Variants in CA6 observed in about 807,000 individuals in gnomAD.
The protein encoded by CA6 is carbonate dehydratase VI.
CA6 carries 28 observed loss-of-function variants against 35.9 expected under a neutral mutation model. The observed-to-expected ratio is 0.78, with a 90% CI of 0.58 to 1.07. The LOEUF (loss-of-function observed/expected upper bound fraction) is 1.07. Ranked by LOEUF, CA6 falls within the 50% of genes least tolerant of loss-of-function variation. The pLI, the probability that CA6 is intolerant of heterozygous loss-of-function variation, is 0.00. For synonymous variants in CA6, 148 were observed against 152.6 expected, an observed-to-expected ratio of 0.97 and a Z score of 0.22; for missense variants, 377 against 382.0, an observed-to-expected ratio of 0.99 and a Z score of 0.11.
chr1:8,961,640 A>G (rs1639845539), intron 4 of CA6, among the ~76,000 whole-genome samples: 1 of 152,224 alleles, frequency 6.6e-6, no homozygotes, highest in Non-Finnish European at 1.5e-5. Context: ...AAGGCACGAG[A>G]CATCTAGAAA....
chr1:8,974,255 T>G, intron 7 of CA6: 1 of 792,898 alleles, frequency 1.3e-6, no homozygotes, highest in African/African-American at 1.8e-5. Flanking sequence ...AAGGAGTGAA[T>G]TGAGAAACCA....
At chr1:8,973,773 T>TTTTTCTTTC (rs1553164177) in intron 7 of CA6, among the ~76,000 whole-genome samples, 404 of 38,242 alleles carry the variant, frequency 0.011, 14 homozygotes, top group African/African-American at 0.055. Context: ...TCTTTCTTTC[T>TTTTTCTTTC]TTCTTTCTTT....
chr1:8,960,789 C>CACACATATATAT (rs59987426), intron 4 of CA6, among the ~76,000 whole-genome samples: 39 of 116,960 alleles, frequency 3.3e-4, no homozygotes, highest in African/African-American at 9.3e-4. Flanking sequence ...CACACACACA[C>CACACATATATAT]ATATATATAA....
intron 6 of CA6, among the ~76,000 whole-genome samples, chr1:8,970,237 C>T (rs978165669): frequency 2.7e-5 from 4 of 149,920 alleles, no homozygotes; most frequent in Non-Finnish European, 4.4e-5. Flanking sequence ...AGAGAAAAAC[C>T]TGACATTTTC....
intron 4 of CA6, 92 bp from the exon 5 acceptor site, chr1:8,962,495 C>A: frequency 1.9e-6 from 2 of 1,078,528 alleles, no homozygotes; most frequent in Non-Finnish European, 2.9e-6. Context: ...TAGGCTCGGC[C>A]CAATCCGCTA....
At chr1:8,953,148 T>C (rs1639585469) in intron 2 of CA6, among the ~76,000 whole-genome samples, 1 of 152,198 alleles carries the variant, frequency 6.6e-6, no homozygotes, top group Admixed American at 6.6e-5. Context: ...CCTTTTCACA[T>C]TGGCTTCTTT....
Position 8,974,651 on chromosome 1 carries a change from T to C in CA6, c.874T>C (p.Tyr292His). The C allele has an allele frequency of 6.2e-7, 1 of 1,607,470 alleles. No individual in the cohort carries two copies. The highest frequency in any genetic ancestry group is 1.3e-5 in the African/African-American group (1 of 74,804). Residue 292 changes from tyrosine to histidine, a missense_variant, in exon 8 of 8, where the codon TAC becomes CAC. Transcript: ENST00000377443. ...EYTLGSEFQF[Y>H]LHKIEEILDY... ...CACTCTAGGCTCTGAATTCCAGTTT[T>C]ACCTACATAAGATTGAGGAAATTCT... is the stretch of plus-strand genomic sequence containing the variant.
chr1:8,950,407 G>C (rs928296033), intron 2 of CA6, among the ~76,000 whole-genome samples: 1 of 152,088 alleles, frequency 6.6e-6, no homozygotes, highest in Non-Finnish European at 1.5e-5. Flanking sequence ...GAAGTCTGAG[G>C]CCTCAGGAGG....
chr1:8,957,009 G>A (rs1639702942), intron 2 of CA6, 128 bp from the exon 3 acceptor site: 2 of 763,046 alleles, frequency 2.6e-6, no homozygotes, highest in Non-Finnish European at 3.9e-6. Flanking sequence ...GGCATTCTAA[G>A]CCAGTCTATG....
chr1:8,970,936 C>CA lies in CA6; in HGVS notation c.800dup (p.Pro268AlafsTer21), dbSNP rs1340724891. The CA allele has an allele frequency of 1.5e-5, 25 of 1,613,982 alleles. No homozygotes were observed. The highest frequency in any genetic ancestry group is 1.9e-5 in the Non-Finnish European group (23 of 1,179,950). ...CATCCACAACGATTACCGCAGGACCCAGCCCCTGAACCACAGAGTGGTGGA... is the reference window on the plus strand; with the variant it reads ...CATCCACAACGATTACCGCAGGACCCAAGCCCCTGAACCACAGAGTGGTGGA... On this transcript the variant is annotated frameshift_variant, in exon 7 of 8. Coordinates refer to ENST00000377443, the MANE Select transcript of CA6 (RefSeq NM_001215.4). LOFTEE classifies it low-confidence loss of function (END_TRUNC).
In CA6 at chr1:8,949,268, GCACTGGACGAAGCGCACTGGC is replaced by G. The variant is rs1639453573; in HGVS notation, c.89_109del (p.Leu30_Pro36del). 3 of 1,598,592 alleles carry G rather than the reference GCACTGGACGAAGCGCACTGGC, an allele frequency of 1.9e-6. No individual in the cohort carries two copies. The highest frequency in any genetic ancestry group is 2.6e-6 in the Non-Finnish European group (3 of 1,173,194). ...CTGTGTCTTTCCTGTCTTAGAAGGG[GCACTGGACGAAGCGCACTGGC>G]CACAGCACTACCCCGCCTGTGGGGG... is the stretch of plus-strand genomic sequence containing the variant. On this transcript the variant is annotated inframe_deletion, in exon 2 of 8. Coordinates refer to ENST00000377443, the MANE Select transcript of CA6 (RefSeq NM_001215.4).
At chr1:8,973,734 TTC>T (rs1258344195) in intron 7 of CA6, among the ~76,000 whole-genome samples, 2 of 19,038 alleles carry the variant, frequency 1.1e-4, no homozygotes, top group Non-Finnish European at 1.7e-4. Flanking sequence ...CTTTCTTTCT[TTC>T]TTTCTTTCTT....
At chr1:8,947,064 A>G (rs1639385618) in intron 1 of CA6, among the ~76,000 whole-genome samples, 1 of 152,020 alleles carries the variant, frequency 6.6e-6, no homozygotes, top group African/African-American at 2.4e-5. Flanking sequence ...TTAGCCTCCC[A>G]AAGTGCTGGG....
At chr1:8,962,528 T>C in intron 4 of CA6, 59 bp from the exon 5 acceptor site, 5 of 1,359,256 alleles carry the variant, frequency 3.7e-6, no homozygotes, top group Non-Finnish European at 5.3e-6. Context: ...GCTGGATTAG[T>C]AGCGATGGTG....
chr1:8,959,931 C>CAAAAAAAAAAA (rs373250863), intron 4 of CA6, among the ~76,000 whole-genome samples: 7,179 of 74,488 alleles, frequency 0.096, 618 homozygotes, highest in Non-Finnish European at 0.12. Context: ...GATTCTATCT[C>CAAAAAAAAAAA]AAAAAAAAAA....
chr1:8,949,706 A>G (rs1569656292), intron 2 of CA6, among the ~76,000 whole-genome samples: 1 of 151,804 alleles, frequency 6.6e-6, no homozygotes, highest in Non-Finnish European at 1.5e-5. Context: ...AGCTCACCCA[A>G]CCCACCCAGC....
At chr1:8,946,498 C>A in intron 1 of CA6, among the ~76,000 whole-genome samples, 1 of 152,088 alleles carries the variant, frequency 6.6e-6, no homozygotes, top group East Asian at 1.9e-4. Context: ...AATAGCTTTC[C>A]CCTTCACAAA....
At chr1:8,960,783 C>CATAT (rs1204900961) in intron 4 of CA6, among the ~76,000 whole-genome samples, 5 of 101,482 alleles carry the variant, frequency 4.9e-5, no homozygotes, top group East Asian at 2.7e-4. Flanking sequence ...CACACACACA[C>CATAT]ACACACATAT....
intron 1 of CA6, among the ~76,000 whole-genome samples, chr1:8,948,452 C>T (rs567900473): frequency 2.0e-5 from 3 of 150,916 alleles, no homozygotes; most frequent in South Asian, 2.1e-4. Context: ...CTTTACCATA[C>T]GGGAATCCAT....
Sources: allele counts gnomAD v4.1 joint callset (sites outside exome capture counted in the v4.1 genomes callset), GRCh38; gene constraint gnomAD v4.1.1; transcripts MANE v1.5; gene names NCBI Gene and HGNC (gene_info 2026-07-23, HGNC 2026-07-21).